Variants in SLC24A3 observed in about 807,000 individuals in gnomAD.
SLC24A3 encodes sodium/potassium/calcium exchanger 3.
A neutral mutation model predicts 75.8 loss-of-function variants in SLC24A3; 28 were observed. That is an observed-to-expected ratio of 0.37 (90% CI 0.27 to 0.51). The LOEUF (loss-of-function observed/expected upper bound fraction) is 0.51. SLC24A3 is among the 20% of genes least tolerant of loss of function. The probability of loss-of-function intolerance (pLI) is 0.94; values close to 1 mark genes in which losing one functional copy is unlikely to be tolerated. For missense variants in SLC24A3, 663 were observed against 847.8 expected (o/e 0.78, Z 2.71); for synonymous variants, 372 against 334.1 (o/e 1.11, Z -1.24).
At chr20:19,653,795 G>A (rs1404173388) in intron 6 of SLC24A3, among the ~76,000 whole-genome samples, 1 of 152,208 alleles carries the variant, frequency 6.6e-6, no homozygotes, top group Non-Finnish European at 1.5e-5. Flanking sequence ...AGTTGGACAG[G>A]CTGCATGCCC....
intron 3 of SLC24A3, among the ~76,000 whole-genome samples, chr20:19,518,968 A>T (rs1019229737): frequency 6.6e-6 from 1 of 152,156 alleles, no homozygotes; most frequent in Admixed American, 6.5e-5. Context: ...GGACTGCCTT[A>T]TCCAGGCAGG....
At chr20:19,502,518 G>A (rs1274151828) in intron 2 of SLC24A3, among the ~76,000 whole-genome samples, 3 of 152,022 alleles carry the variant, frequency 2.0e-5, no homozygotes, top group Admixed American at 2.0e-4. Context: ...AGGACTAAGG[G>A]CACACTTAAA....
chr20:19,718,429 G>A lies in SLC24A3; in HGVS notation c.1785+836G>A, dbSNP rs112516971. ...GTGGTGATATTTGTAATAGCCACAC[G>A]CCGTACTTAATGTTTTGTATACATA... On this transcript the variant is annotated intron_variant, in intron 16 of 16. Transcript: ENST00000328041. Among the ~76,000 whole-genome samples the A allele has an allele frequency of 4.3e-3, 651 of 152,280 alleles. 2 individuals are homozygous for A. The highest frequency in any genetic ancestry group is 0.031 in the Middle Eastern group (9 of 294).
At chr20:19,260,364 T>A (rs1982944856) in intron 1 of SLC24A3, among the ~76,000 whole-genome samples, 1 of 152,204 alleles carries the variant, frequency 6.6e-6, no homozygotes, top group Non-Finnish European at 1.5e-5. Context: ...GGTGTTGAGA[T>A]GCAAAAAGAA....
intron 2 of SLC24A3, among the ~76,000 whole-genome samples, chr20:19,362,383 C>T (rs947559404): frequency 2.0e-5 from 3 of 152,124 alleles, no homozygotes; most frequent in Admixed American, 6.5e-5. Flanking sequence ...GGTGTGTGAC[C>T]GTGAAGTCAC....
chr20:19,552,987 ACCTCGCCTTTCCCTCGTTC>A (rs1268655025), intron 3 of SLC24A3, among the ~76,000 whole-genome samples: 2 of 150,998 alleles, frequency 1.3e-5, no homozygotes, highest in Non-Finnish European at 3.0e-5. Context: ...CAGACTAGGG[ACCTCGCCTTTCCCTCGTTC>A]CCTCCATCCC....
intron 2 of SLC24A3, among the ~76,000 whole-genome samples, chr20:19,485,142 C>A (rs1373046769): frequency 1.3e-5 from 2 of 152,164 alleles, no homozygotes; most frequent in East Asian, 3.9e-4. Context: ...AAATGTGCAG[C>A]ACTTTTACCC....
chr20:19,638,172 T>C (rs1356789415), intron 6 of SLC24A3, among the ~76,000 whole-genome samples: 3 of 152,018 alleles, frequency 2.0e-5, no homozygotes, highest in African/African-American at 7.3e-5. Context: ...ACATGCAGTG[T>C]TTGGTTTTCT....
intron 2 of SLC24A3, among the ~76,000 whole-genome samples, chr20:19,386,866 G>C (rs983614389): frequency 2.6e-5 from 4 of 152,102 alleles, no homozygotes; most frequent in Non-Finnish European, 5.9e-5. Context: ...ATATTGGCCT[G>C]TAGTATTCTT....
intron 6 of SLC24A3, among the ~76,000 whole-genome samples, chr20:19,651,412 T>G (rs1476752722): frequency 6.7e-6 from 1 of 148,480 alleles, no homozygotes; most frequent in East Asian, 2.0e-4. Flanking sequence ...TATATATATA[T>G]ATATATCTGC....
intron 2 of SLC24A3, among the ~76,000 whole-genome samples, chr20:19,365,691 C>T (rs1985877105): frequency 2.0e-5 from 3 of 152,120 alleles, no homozygotes; most frequent in Admixed American, 2.0e-4. Flanking sequence ...GAGTAAATGT[C>T]TATGGTTCAT....
chr20:19,237,906 G>T (rs995893537), intron 1 of SLC24A3, among the ~76,000 whole-genome samples: 3 of 152,248 alleles, frequency 2.0e-5, no homozygotes, highest in African/African-American at 7.2e-5. Context: ...GATTTTACGG[G>T]TGCCTGAGCG....
intron 6 of SLC24A3, among the ~76,000 whole-genome samples, chr20:19,587,302 G>A (rs1406213038): frequency 6.6e-6 from 1 of 152,194 alleles, no homozygotes; most frequent in Non-Finnish European, 1.5e-5. Context: ...AAATGGCTTG[G>A]ATGCATGTGT....
At chr20:19,214,160 A>T (rs1981488191) in intron 1 of SLC24A3, among the ~76,000 whole-genome samples, 2 of 152,134 alleles carry the variant, frequency 1.3e-5, no homozygotes, top group South Asian at 4.1e-4. Context: ...GTCAGTCTTC[A>T]TTCAGTCTTA....
chr20:19,543,650 T>C lies in SLC24A3; in HGVS notation c.348+28086T>C, dbSNP rs535418413. 9.2e-5 allele frequency among the ~76,000 whole-genome samples: 14 copies of C among 152,242 alleles called. No homozygotes were observed. The South Asian group carries it at 2.5e-3, about 27-fold the overall frequency. The stretch of plus-strand genomic sequence containing the variant: ...ACCGGGTGGGAGGGAAGTCTTCACA[T>C]AGGCCACAGAGGAAGTCTGGCATCT... On this transcript the variant is annotated intron_variant, in intron 3 of 16. Transcript: ENST00000328041.
intron 6 of SLC24A3, among the ~76,000 whole-genome samples, chr20:19,636,958 T>C (rs1266775506): frequency 1.3e-5 from 2 of 152,236 alleles, no homozygotes; most frequent in East Asian, 1.9e-4. Flanking sequence ...CAAGCCGCTA[T>C]TTAAAAAAGA....
chr20:19,522,220 C>T (rs1460515062), intron 3 of SLC24A3, among the ~76,000 whole-genome samples: 2 of 152,150 alleles, frequency 1.3e-5, no homozygotes. Context: ...TTCCCTTCCT[C>T]GTTTATGTCA....
chr20:19,284,281 G>GT (rs1272710850), intron 2 of SLC24A3: 1 of 152,710 alleles, frequency 6.5e-6, no homozygotes, highest in Admixed American at 6.5e-5. Flanking sequence ...CCTCTAACTT[G>GT]TTGTTGGGTG....
intron 1 of SLC24A3, among the ~76,000 whole-genome samples, chr20:19,240,197 CACACTG>C (rs1342988408): frequency 6.6e-6 from 1 of 152,164 alleles, no homozygotes; most frequent in African/African-American, 2.4e-5. Context: ...GGCTTCAGGT[CACACTG>C]CAACAACTGC....
Sources: allele counts gnomAD v4.1 joint callset (sites outside exome capture counted in the v4.1 genomes callset), GRCh38; gene constraint gnomAD v4.1.1; transcripts MANE v1.5; gene names NCBI Gene and HGNC (gene_info 2026-07-23, HGNC 2026-07-21).